The following AKR1B15 variants were observed in gnomAD, a reference collection of about 807,000 sequenced individuals.
AKR1B15 encodes estradiol 17-beta-dehydrogenase AKR1B15.
AKR1B15 carries 49 observed loss-of-function variants against 38.5 expected under a neutral mutation model. The observed-to-expected ratio is 1.27, with a 90% CI of 1.01 to 1.62. The LOEUF is 1.62. Among genes scored for constraint, AKR1B15 ranks in the 40% most tolerant of loss-of-function variants. The pLI is 0.00. For synonymous variants in AKR1B15, 137 were observed against 135.5 expected (o/e 1.01, Z -0.08); for missense variants, 411 against 381.6 (o/e 1.08, Z -0.64).
intron 5 of AKR1B15, chr7:134,570,436 C>T (rs74427268): frequency 6.6e-6 from 1 of 152,266 alleles, no homozygotes; most frequent in East Asian, 1.9e-4. Flanking sequence ...TACTCCCTCC[C>T]CTTTTGAAAA....
chr7:134,561,690 A>G (rs1440389287), intron 2 of AKR1B15, among the ~76,000 whole-genome samples: 1 of 152,154 alleles, frequency 6.6e-6, no homozygotes, highest in Non-Finnish European at 1.5e-5. Context: ...AAGAACATGT[A>G]AAAGACAGAA....
intron 6 of AKR1B15, among the ~76,000 whole-genome samples, chr7:134,572,133 A>G (rs145689900): frequency 3.3e-5 from 5 of 152,208 alleles, no homozygotes; most frequent in Non-Finnish European, 7.3e-5. Context: ...CGTGCCGGGA[A>G]CATCAGTCAT....
intron 7 of AKR1B15, 135 bp from the exon 8 acceptor site, chr7:134,575,686 G>T: frequency 1.3e-6 from 2 of 1,578,628 alleles, no homozygotes; most frequent in Non-Finnish European, 1.7e-6. Flanking sequence ...CTGATCTCAT[G>T]GGTGATTTAG....
intron 11 of AKR1B15, among the ~76,000 whole-genome samples, 165 bp from the exon 12 acceptor site, chr7:134,579,342 C>G (rs143562503): frequency 5.1e-4 from 77 of 152,232 alleles, no homozygotes; most frequent in African/African-American, 1.8e-3. Context: ...ACCCTCATAT[C>G]GATTTGAAGG....
intron 1 of AKR1B15, among the ~76,000 whole-genome samples, chr7:134,553,974 C>T (rs1254444154): frequency 6.6e-6 from 1 of 152,220 alleles, no homozygotes; most frequent in African/African-American, 2.4e-5. Flanking sequence ...GTTGGTAACC[C>T]TGACTCAGGC....
chr7:134,562,282 C>G (rs189096602), intron 2 of AKR1B15, among the ~76,000 whole-genome samples: 1 of 152,186 alleles, frequency 6.6e-6, no homozygotes, highest in African/African-American at 2.4e-5. Flanking sequence ...TTTTGAACAG[C>G]GGAAGAACAA....
intron 6 of AKR1B15, chr7:134,573,632 T>C (rs1188555803): frequency 2.4e-5 from 20 of 825,908 alleles, no homozygotes; most frequent in Non-Finnish European, 2.2e-5. Context: ...TATAAAGAAG[T>C]CAAGTTTTAA....
chr7:134,551,954 C>T (rs897941290), intron 1 of AKR1B15, among the ~76,000 whole-genome samples: 1 of 152,156 alleles, frequency 6.6e-6, no homozygotes. Flanking sequence ...CCATGGTGAC[C>T]ACCACAGTGG....
At chr7:134,554,621 C>T (rs1207874101) in intron 1 of AKR1B15, among the ~76,000 whole-genome samples, 2 of 152,140 alleles carry the variant, frequency 1.3e-5, no homozygotes, top group South Asian at 2.1e-4. Flanking sequence ...CCCAGGCCAC[C>T]GCCTCCAGGG....
chr7:134,568,612 G>A (rs1327300241), intron 4 of AKR1B15, among the ~76,000 whole-genome samples: 1 of 152,200 alleles, frequency 6.6e-6, no homozygotes, highest in Non-Finnish European at 1.5e-5. Flanking sequence ...CCCAGAGGCA[G>A]TCACAGGCCA....
At chr7:134,550,927 G>A (rs1360785449) in intron 1 of AKR1B15, among the ~76,000 whole-genome samples, 1 of 152,112 alleles carries the variant, frequency 6.6e-6, no homozygotes, top group Non-Finnish European at 1.5e-5. Context: ...GGTCGTTGTT[G>A]GAACTCCCGG....
chr7:134,562,232 A>G (rs1377535661), intron 2 of AKR1B15, among the ~76,000 whole-genome samples: 2 of 152,210 alleles, frequency 1.3e-5, no homozygotes, highest in Non-Finnish European at 2.9e-5. Flanking sequence ...CAGTTCTTAA[A>G]GATGGCACAG....
At chr7:134,573,543 C>T in intron 6 of AKR1B15, 1 of 985,308 alleles carries the variant, frequency 1.0e-6, no homozygotes, top group Non-Finnish European at 1.2e-6. Context: ...AATACGTAAG[C>T]ATTGGATGTT....
At chr7:134,563,509 C>T (rs1481235342) in intron 2 of AKR1B15, among the ~76,000 whole-genome samples, 17 of 152,192 alleles carry the variant, frequency 1.1e-4, no homozygotes, top group African/African-American at 4.1e-4. Flanking sequence ...GATCACACCA[C>T]TGCACTCCAG....
At chr7:134,569,039 A>G (rs1376222168) in intron 4 of AKR1B15, among the ~76,000 whole-genome samples, 2 of 152,188 alleles carry the variant, frequency 1.3e-5, no homozygotes, top group Non-Finnish European at 2.9e-5. Context: ...AGGGCCATCT[A>G]TTCCCAAAGG....
intron 2 of AKR1B15, among the ~76,000 whole-genome samples, chr7:134,562,891 C>CT (rs1562947138): frequency 3.4e-4 from 21 of 61,116 alleles, no homozygotes; most frequent in South Asian, 1.3e-3. Context: ...TCTTTCTTTC[C>CT]TTCTTTCTTC....
At chr7:134,578,728 C>A (rs1321840351) in intron 11 of AKR1B15, among the ~76,000 whole-genome samples, 1 of 152,256 alleles carries the variant, frequency 6.6e-6, no homozygotes, top group African/African-American at 2.4e-5. Flanking sequence ...GTATCTCAAG[C>A]GTTGCTTGCA....
At chr7:134,566,832 C>T (rs1451807521) in intron 3 of AKR1B15, among the ~76,000 whole-genome samples, 4 of 152,258 alleles carry the variant, frequency 2.6e-5, no homozygotes, top group South Asian at 2.1e-4. Flanking sequence ...ACTTCCAGCT[C>T]GATTCATACA....
intron 2 of AKR1B15, among the ~76,000 whole-genome samples, chr7:134,560,495 G>C (rs1794353063): frequency 6.6e-6 from 1 of 152,140 alleles, no homozygotes; most frequent in African/African-American, 2.4e-5. Context: ...GTAATAACCA[G>C]TTGGGTTGTT....
Sources: gnomAD v4.1 joint callset for allele counts (sites outside exome capture counted in the v4.1 genomes callset) on GRCh38, gnomAD v4.1.1 for gene constraint, MANE v1.5 for transcripts, NCBI Gene and HGNC (gene_info 2026-07-23, HGNC 2026-07-21) for gene names.